The following SARM1 variants were observed in gnomAD, a reference collection of about 807,000 sequenced individuals.
SARM1 encodes NAD(+) hydrolase SARM1.
In SARM1, 60 loss-of-function variants were observed where a neutral mutation model predicts 65.1. That is an observed-to-expected ratio of 0.92 (90% CI 0.75 to 1.14). SARM1 has a LOEUF of 1.14. Among genes scored for constraint, SARM1 ranks in the 50% most tolerant of loss-of-function variants. The pLI, the probability that SARM1 is intolerant of heterozygous loss-of-function variation, is 0.00. For missense variants in SARM1, 913 were observed against 1,015.7 expected (o/e 0.90, Z 1.37); for synonymous variants, 417 against 465.4 (o/e 0.90, Z 1.34).
chr17:28,393,688 G>A (rs2068093243), intron 7 of SARM1, among the ~76,000 whole-genome samples: 1 of 152,176 alleles, frequency 6.6e-6, no homozygotes, highest in Non-Finnish European at 1.5e-5. Flanking sequence ...CCAGAGTGCA[G>A]CCCTAACTGC....
rs569375096 is a variant in SARM1, at chr17:28,381,831, G to T, written c.1089+10G>T. On this transcript the variant is annotated intron_variant, in intron 2 of 8. Transcript: ENST00000585482. ...GCAAGGCAAGACCAAGGTGGGTGCA[G>T]ATGTGGGGTTGGGTGGATCAGGGGT... 7.0e-7 allele frequency: 1 copy of T among 1,434,824 alleles called. No individual in the cohort carries two copies. The highest frequency in any genetic ancestry group is 9.1e-7 in the Non-Finnish European group (1 of 1,095,206). 88.9% of individuals were successfully genotyped at this position (1,434,824 alleles called of 1,614,324 possible).
rs1597830203 is a variant in SARM1 at position 28,399,823 on chromosome 17, G to A, written c.*3537G>A. 1 of 1,062,612 alleles carries A rather than the reference G, an allele frequency of 9.4e-7. No homozygotes were observed. Among genetic ancestry groups the A allele is most frequent in the Non-Finnish European group, 1.5e-6 (1 of 688,042 alleles). 65.8% of individuals were successfully genotyped at this position (1,062,612 alleles called of 1,614,324 possible). ...GTGGGCTGGTCCAGGTAGCTCTCCT[G>A]AACCTCCTCCTTCCCCAAGCTGAGA... On this transcript the variant is annotated 3_prime_UTR_variant, in exon 9 of 9. Coordinates refer to ENST00000585482, the MANE Select transcript of SARM1 (RefSeq NM_015077.4).
chr17:28,396,264 C>T lies in SARM1; in HGVS notation c.2153C>T (p.Ala718Val), dbSNP rs368545564. 1.4e-5 allele frequency: 23 copies of T among 1,614,012 alleles called. No individual in the cohort carries two copies. In the African/African-American group the frequency reaches 2.8e-4, roughly 20 times the overall value. Residue 718 changes from alanine (A) to valine (V), a missense_variant, in exon 9 of 9, where the codon GCT becomes GTT. By Grantham distance (64) the Ala-to-Val change is moderately conservative. This residue lies in a region of SARM1 where 862 missense variants were observed against 952.1 expected (regional missense o/e 0.91). Coordinates refer to ENST00000585482, the MANE Select transcript of SARM1 (RefSeq NM_015077.4). Reference sequence around the variant, plus strand: ...GGCTCTGACACCAGTTTGGAGGGTGCTGCACCCATGGGTCCAACCTAACCA... The same window carrying T: ...GGCTCTGACACCAGTTTGGAGGGTGTTGCACCCATGGGTCCAACCTAACCA... ...SAGSDTSLEG[A>V]APMGPT
In SARM1 at chr17:28,399,211, A is replaced by G. The variant is rs2068165505; in HGVS notation, c.*2925A>G. 6.1e-6 allele frequency: 1 copy of G among 164,686 alleles called. No homozygotes were observed. Among genetic ancestry groups the G allele is most frequent in the Non-Finnish European group, 1.3e-5 (1 of 75,380 alleles). The allele number at this position is 164,686 out of a possible 1,614,324, so 10.2% of individuals were successfully genotyped here. A position where few individuals can be genotyped will look rare whatever the true frequency, so the allele number is the denominator to read the frequency against. On this transcript the variant is annotated 3_prime_UTR_variant, in exon 9 of 9. Transcript: ENST00000585482. ...AAGGCTGGCACTAACCAGGTACCAC[A>G]TTCATTGTTAAGGAATGGCTGATGA... is the stretch of plus-strand genomic sequence containing the variant.
rs1452683355 is a variant in SARM1 at position 28,384,511 on chromosome 17, C to T, written c.1244C>T (p.Ala415Val). 1 of 1,613,354 alleles carries T rather than the reference C, an allele frequency of 6.2e-7. No homozygotes were observed. Among genetic ancestry groups the T allele is most frequent in the African/African-American group, 1.3e-5 (1 of 74,944 alleles). The change falls in exon 3 of 9, where the codon GCC becomes GTC. Residue 415 changes from alanine to valine, a missense_variant. Physicochemically the swap from Ala to Val is moderately conservative, Grantham distance 64. Transcript: ENST00000585482. This position sits in a 1 kb window ranked among gnomAD's most constrained non-coding sequence, Gnocchi z 4.4. ...CCCTCCGTGCCCAGCTGGAAGGAGG[C>T]CGAGGTTCAGACGTGGCTGCAGCAG... ...ILPSVPSWKE[A>V]EVQTWLQQIG...
chr17:28,388,172 A>C lies in SARM1; in HGVS notation c.1631-2A>C. ...CACCATGCTGCCTATTGCCCACTTCAGAAATGCTACACTCCCCGCTGCCCT... is the reference window on the plus strand; with the variant it reads ...CACCATGCTGCCTATTGCCCACTTCCGAAATGCTACACTCCCCGCTGCCCT... On this transcript the variant is annotated splice_acceptor_variant, in intron 5 of 8. Transcript: ENST00000585482. LOFTEE classifies it high-confidence loss of function. 6.5e-7 allele frequency: 1 copy of C among 1,548,154 alleles called. No individual in the cohort carries two copies. Among genetic ancestry groups the C allele is most frequent in the Non-Finnish European group, 8.7e-7 (1 of 1,145,606 alleles).
intron 7 of SARM1, chr17:28,394,696 A>G (rs1405142788): frequency 6.6e-6 from 1 of 152,236 alleles, no homozygotes; most frequent in Non-Finnish European, 1.5e-5. Flanking sequence ...TGAGATTCAG[A>G]AAATAAGACT....
chr17:28,400,775 A>G lies in SARM1; in HGVS notation c.*4489A>G, dbSNP rs2142455369. 2.6e-6 allele frequency: 4 copies of G among 1,557,298 alleles called. No homozygotes were observed. The highest frequency in any genetic ancestry group is 4.8e-5 in the East Asian group (2 of 41,510). On this transcript the variant is annotated 3_prime_UTR_variant, in exon 9 of 9. Transcript: ENST00000585482. Reference sequence around the variant, plus strand: ...AGCAGAAAAGAGAGCACCTGTGAAGAAATAAATACCATACTCTGGAGTCCG... The same window carrying G: ...AGCAGAAAAGAGAGCACCTGTGAAGGAATAAATACCATACTCTGGAGTCCG...
In SARM1 at chr17:28,372,479, G is replaced by T. The variant is rs2067963896; in HGVS notation, c.447G>T (p.Glu149Asp). ...ETRVQAARLL[E>D]QILVAENRDR... is the part of the protein sequence containing the mutation. Reference sequence around the variant, plus strand: ...GTGTGCAGGCCGCGCGCCTGCTGGAGCAGATCCTGGTGGCTGAGAACCGGT... The same window carrying T: ...GTGTGCAGGCCGCGCGCCTGCTGGATCAGATCCTGGTGGCTGAGAACCGGT... Residue 149 changes from glutamate (E) to aspartate (D), a missense_variant, in exon 1 of 9, where the codon GAG becomes GAT. By Grantham distance (45) the Glu-to-Asp change is conservative. Coordinates refer to ENST00000585482, the MANE Select transcript of SARM1 (RefSeq NM_015077.4). The surrounding 1 kb of genome is among the most constrained non-coding windows in gnomAD (Gnocchi z 5.2). 6.5e-7 allele frequency: 1 copy of T among 1,529,474 alleles called. No homozygotes were observed. Among genetic ancestry groups the T allele is most frequent in the Non-Finnish European group, 8.7e-7 (1 of 1,145,102 alleles). The allele number at this position is 1,529,474 out of a possible 1,614,324, so 94.7% of individuals were successfully genotyped here. A position where few individuals can be genotyped will look rare whatever the true frequency, so the allele number is the denominator to read the frequency against.
In SARM1 at chr17:28,385,207, A is replaced by G; in HGVS notation, c.1562A>G (p.Gln521Arg). 1 of 1,603,918 alleles carries G rather than the reference A, an allele frequency of 6.2e-7. No individual in the cohort carries two copies. The highest frequency in any genetic ancestry group is 8.5e-7 in the Non-Finnish European group (1 of 1,177,368). The change falls in exon 5 of 9, where the codon CAG becomes CGG. Residue 521 changes from glutamine to arginine, a missense_variant. Coordinates refer to ENST00000585482, the MANE Select transcript of SARM1 (RefSeq NM_015077.4). The surrounding 1 kb of genome is among the most constrained non-coding windows in gnomAD (Gnocchi z 4.5). Reference protein sequence around the residue: ...DRSLLHRVSEQQLLEDCGIHL... With the variant: ...DRSLLHRVSERQLLEDCGIHL... ...TCCCTGCTGCACCGCGTGTCTGAGC[A>G]GCAGCTGCTGGAAGACTGCGGCATC...
At chr17:28,383,231 G>A (rs1294869005) in intron 2 of SARM1, among the ~76,000 whole-genome samples, 1 of 152,148 alleles carries the variant, frequency 6.6e-6, no homozygotes, top group Non-Finnish European at 1.5e-5. Flanking sequence ...AAAATTAGCT[G>A]GGCATGGTGG....
rs2068123403 is a variant in SARM1 at position 28,396,334 on chromosome 17, C to A, written c.*48C>A. Reference sequence around the variant, plus strand: ...TGCTGTGACTTCCATTTCCATCGTCCTTTCTGAAGGAACAGCTCCTGAAAC... The same window carrying A: ...TGCTGTGACTTCCATTTCCATCGTCATTTCTGAAGGAACAGCTCCTGAAAC... On this transcript the variant is annotated 3_prime_UTR_variant, in exon 9 of 9. Coordinates refer to ENST00000585482, the MANE Select transcript of SARM1 (RefSeq NM_015077.4). 2 of 1,607,726 alleles carry A rather than the reference C, an allele frequency of 1.2e-6. No homozygotes were observed. Among genetic ancestry groups the A allele is most frequent in the South Asian group, 1.1e-5 (1 of 90,790 alleles).
In SARM1 at chr17:28,384,597, C is replaced by G. The variant is rs782364975; in HGVS notation, c.1302+28C>G. 152 of 1,545,538 alleles carry G rather than the reference C, an allele frequency of 9.8e-5. No individual in the cohort carries two copies. The highest frequency in any genetic ancestry group is 1.3e-4 in the Non-Finnish European group (146 of 1,142,262). On this transcript the variant is annotated intron_variant, in intron 3 of 8. Coordinates refer to ENST00000585482, the MANE Select transcript of SARM1 (RefSeq NM_015077.4). This position sits in a 1 kb window ranked among gnomAD's most constrained non-coding sequence, Gnocchi z 4.4. ...AGAGTCGCGTGGGATACGCCTCCCC[C>G]GAGTCAGAGCGGGCGCCCTGTGCAC...
chr17:28,387,419 T>C (rs2068057395), intron 5 of SARM1, among the ~76,000 whole-genome samples: 2 of 152,108 alleles, frequency 1.3e-5, no homozygotes, highest in Non-Finnish European at 2.9e-5. Flanking sequence ...AGACAGGGTT[T>C]CACCATATTG....
rs1319115619 is a variant in SARM1, at chr17:28,403,200, A to G, written c.*6914A>G. ...TGGACTTCTGGCCTCCAGAACTGTG[A>G]GAGAATATGTTTCTGTTGTGTTAAG... On this transcript the variant is annotated 3_prime_UTR_variant, in exon 9 of 9. Coordinates refer to ENST00000585482, the MANE Select transcript of SARM1 (RefSeq NM_015077.4). 1 of 152,244 alleles carries G rather than the reference A, an allele frequency of 6.6e-6. No individual in the cohort carries two copies. Among genetic ancestry groups the G allele is most frequent in the African/African-American group, 2.4e-5 (1 of 41,430 alleles). 9.4% of individuals were successfully genotyped at this position (152,244 alleles called of 1,614,324 possible). A position where few individuals can be genotyped will look rare whatever the true frequency, so the allele number is the denominator to read the frequency against.
chr17:28,376,112 C>T (rs1555584559), intron 1 of SARM1, among the ~76,000 whole-genome samples: 1 of 152,156 alleles, frequency 6.6e-6, no homozygotes, highest in Non-Finnish European at 1.5e-5. Flanking sequence ...CACAAGAGTG[C>T]AGCACAGTTC....
intron 7 of SARM1, among the ~76,000 whole-genome samples, chr17:28,389,767 A>C (rs1555586636): frequency 6.6e-6 from 1 of 152,196 alleles, no homozygotes; most frequent in African/African-American, 2.4e-5. Flanking sequence ...GCACACCTGT[A>C]ATCCCAGCTA....
chr17:28,391,700 A>G (rs1166411366), intron 7 of SARM1, among the ~76,000 whole-genome samples: 2 of 131,702 alleles, frequency 1.5e-5, no homozygotes, highest in Non-Finnish European at 3.1e-5. Flanking sequence ...GCTCTATGCA[A>G]TTGCACCAAA....
intron 7 of SARM1, 36 bp from the exon 8 acceptor site, chr17:28,395,869 A>C: frequency 6.2e-7 from 1 of 1,611,052 alleles, no homozygotes; most frequent in East Asian, 2.2e-5. Context: ...CTAGATGGGT[A>C]CAGGGGTATC....
Sources: allele counts gnomAD v4.1 joint callset (sites outside exome capture counted in the v4.1 genomes callset), GRCh38; gene constraint gnomAD v4.1.1; regional missense constraint gnomAD v4.1.1; non-coding constraint Gnocchi (gnomAD v3.1); transcripts MANE v1.5; gene names NCBI Gene and HGNC (gene_info 2026-07-23, HGNC 2026-07-21).